Variants in UGT1A10 observed in about 807,000 individuals in gnomAD.
UGT1A10 encodes UDP-glucuronosyltransferase 1A10.
UGT1A10 carries 49 observed loss-of-function variants against 45.8 expected under a neutral mutation model. The observed-to-expected ratio is 1.07, with a 90% CI of 0.85 to 1.36. The LOEUF is 1.36. Among genes scored for constraint, UGT1A10 ranks in the 40% most tolerant of loss-of-function variants. UGT1A10 has a pLI of 0.00. For missense variants in UGT1A10, 745 were observed against 668.6 expected (o/e 1.11, Z -1.26); for synonymous variants, 284 against 249.7 (o/e 1.14, Z -1.29).
chr2:233,738,866 G>C (rs1369397028), intron 1 of UGT1A10: 1 of 152,204 alleles, frequency 6.6e-6, no homozygotes, highest in Non-Finnish European at 1.5e-5. Context: ...TGGGGAAAAT[G>C]GCTCCAGGGC....
At chr2:233,725,201 G>GGCAGAGGCAGAA (rs2077389297) in intron 1 of UGT1A10, among the ~76,000 whole-genome samples, 6 of 93,006 alleles carry the variant, frequency 6.5e-5, no homozygotes, top group African/African-American at 5.2e-4. Context: ...CAGAGGCAGA[G>GGCAGAGGCAGAA]GCAGAGGCAG....
intron 1 of UGT1A10, among the ~76,000 whole-genome samples, chr2:233,677,454 C>T (rs534516799): frequency 6.6e-6 from 1 of 152,188 alleles, no homozygotes; most frequent in South Asian, 2.1e-4. Flanking sequence ...AAAAGCCTTG[C>T]CAATACCATA....
intron 1 of UGT1A10, chr2:233,718,059 G>A (rs999688691): frequency 1.4e-5 from 5 of 357,064 alleles, no homozygotes; most frequent in East Asian, 7.4e-5. Context: ...TGAACCCACC[G>A]TGGGTCCTTG....
chr2:233,709,104 A>G (rs28898589), intron 1 of UGT1A10, among the ~76,000 whole-genome samples: 3,803 of 152,176 alleles, frequency 0.025, 69 homozygotes, highest in South Asian at 0.043. Context: ...TCACATGCCC[A>G]TCTCTGAACT....
At chr2:233,759,599 A>ACCCCCCCCCCCCCCCC (rs1553620419) in intron 1 of UGT1A10, among the ~76,000 whole-genome samples, 4 of 108,738 alleles carry the variant, frequency 3.7e-5, no homozygotes, top group East Asian at 3.1e-4. Flanking sequence ...CCCACCCCCG[A>ACCCCCCCCCCCCCCCC]CCCGCCCCAC....
chr2:233,761,183 A>G (rs753887460), intron 1 of UGT1A10: 42 of 1,614,074 alleles, frequency 2.6e-5, no homozygotes, highest in Non-Finnish European at 3.5e-5. Context: ...TTACATGCGT[A>G]TATTCTTTCA....
chr2:233,755,126 C>T, intron 1 of UGT1A10: 1 of 1,323,304 alleles, frequency 7.6e-7, no homozygotes, highest in Non-Finnish European at 1.0e-6. Flanking sequence ...CCTCAGCCAC[C>T]TGCTTGAATC....
rs35041092 is a variant in UGT1A10 at position 233,761,235 on chromosome 2, C to T, written c.856-5799C>T. 9.3e-4 allele frequency: 1,493 copies of T among 1,612,640 alleles called. 2 individuals are homozygous for T. The highest frequency in any genetic ancestry group is 1.5e-3 in the Middle Eastern group (9 of 6,058). ...TCGATTAACTAGCCCCAGATATATG[C>T]TGAGCAAGCATTCTGAGATAATTTA... On this transcript the variant is annotated intron_variant, in intron 1 of 4. Coordinates refer to ENST00000344644, the MANE Select transcript of UGT1A10 (RefSeq NM_019075.4).
At chr2:233,737,333 A>G (rs1343218207) in intron 1 of UGT1A10, among the ~76,000 whole-genome samples, 1 of 152,246 alleles carries the variant, frequency 6.6e-6, no homozygotes, top group Non-Finnish European at 1.5e-5. Context: ...AGCAGTGAGC[A>G]AGGCTCCGTG....
chr2:233,742,230 A>T (rs1158826164), intron 1 of UGT1A10, among the ~76,000 whole-genome samples: 2 of 151,434 alleles, frequency 1.3e-5, no homozygotes, highest in African/African-American at 2.4e-5. Flanking sequence ...GAGAGCCCCA[A>T]ACAGAGATTT....
intron 1 of UGT1A10, among the ~76,000 whole-genome samples, chr2:233,643,579 G>A (rs1307168695): frequency 6.6e-6 from 1 of 152,016 alleles, no homozygotes; most frequent in Non-Finnish European, 1.5e-5. Flanking sequence ...ATAAGGCAAA[G>A]TCCCCTTTAC....
At position 233,743,134 on chromosome 2, in the gene UGT1A10, TA is replaced by T. The variant is rs919324462; in HGVS notation, c.856-23893del. 39 of 357,156 alleles carry T rather than the reference TA, an allele frequency of 1.1e-4. 1 individual carries two copies. The highest frequency in any genetic ancestry group is 8.0e-4 in the African/African-American group (37 of 46,406). 22.1% of individuals were successfully genotyped at this position (357,156 alleles called of 1,614,324 possible). Reference sequence around the variant, plus strand: ...TGAAAGTAAAGTTCACTTTCAATCCTAAAAAAAGTCCGCTATTCCTCCAGAT... The same window carrying T: ...TGAAAGTAAAGTTCACTTTCAATCCTAAAAAAGTCCGCTATTCCTCCAGAT... On this transcript the variant is annotated intron_variant, in intron 1 of 4. Coordinates refer to ENST00000344644, the MANE Select transcript of UGT1A10 (RefSeq NM_019075.4).
chr2:233,691,689 CAGGAG>C (rs45549435), intron 1 of UGT1A10: 388,597 of 968,978 alleles, frequency 0.4, 78,686 homozygotes, highest in South Asian at 0.46. Flanking sequence ...ACCTGAAGCT[CAGGAG>C]AGGAGTCACT....
intron 1 of UGT1A10, among the ~76,000 whole-genome samples, chr2:233,643,752 A>G (rs1339852215): frequency 6.6e-6 from 1 of 152,094 alleles, no homozygotes; most frequent in African/African-American, 2.4e-5. Flanking sequence ...AGGTCTCTTC[A>G]GTTAGCAGGC....
chr2:233,716,843 C>A (rs1303779141), intron 1 of UGT1A10, among the ~76,000 whole-genome samples: 1 of 152,176 alleles, frequency 6.6e-6, no homozygotes, highest in African/African-American at 2.4e-5. Flanking sequence ...ATGGCTTCAG[C>A]TACCACATAT....
intron 1 of UGT1A10, among the ~76,000 whole-genome samples, chr2:233,680,336 G>T (rs969831488): frequency 1.3e-5 from 2 of 152,160 alleles, no homozygotes; most frequent in South Asian, 4.1e-4. Context: ...CGCGCAGAGG[G>T]TATAAACGTC....
chr2:233,718,875 C>G, intron 1 of UGT1A10: 1 of 1,613,984 alleles, frequency 6.2e-7, no homozygotes, highest in Non-Finnish European at 8.5e-7. Context: ...ACTGCTGCTC[C>G]TCCTCAGTGT....
At chr2:233,767,242 A>G in intron 2 of UGT1A10, 77 bp downstream of exon 2, 1 of 1,606,336 alleles carries the variant, frequency 6.2e-7, no homozygotes, top group African/African-American at 1.3e-5. Context: ...TTCCAGATTA[A>G]TTCTCTTAAT....
chr2:233,713,466 G>A, intron 1 of UGT1A10: 1 of 1,614,064 alleles, frequency 6.2e-7, no homozygotes, highest in Non-Finnish European at 8.5e-7. Flanking sequence ...CCTCTGCGCG[G>A]CGGTGCTGGC....
Sources: gnomAD v4.1 joint callset for allele counts (sites outside exome capture counted in the v4.1 genomes callset) on GRCh38, gnomAD v4.1.1 for gene constraint, MANE v1.5 for transcripts, NCBI Gene and HGNC (gene_info 2026-07-23, HGNC 2026-07-21) for gene names.